TBCK: variants seen among roughly 807,000 people sequenced by gnomAD.
TBCK encodes the protein TBC domain-containing protein kinase-like protein.
In TBCK, 99 loss-of-function variants were observed where a neutral mutation model predicts 113.4. The ratio of observed to expected loss-of-function variants is 0.87; its 90% CI spans 0.74 to 1.03. The LOEUF (loss-of-function observed/expected upper bound fraction) is 1.03. Ranked by LOEUF, TBCK falls within the 50% of genes least tolerant of loss-of-function variation. The probability of loss-of-function intolerance (pLI) is 0.00; values close to 1 mark genes in which losing one functional copy is unlikely to be tolerated. For synonymous variants in TBCK, 369 were observed against 370.8 expected (o/e 1.00, Z 0.05); for missense variants, 1,045 against 1,061.3 (o/e 0.98, Z 0.21).
chr4:106,200,560 C>T (rs1754766937), intron 20 of TBCK, among the ~76,000 whole-genome samples: 1 of 151,962 alleles, frequency 6.6e-6, no homozygotes, highest in Admixed American at 6.6e-5. Flanking sequence ...AATGAAAATT[C>T]AATCTCTTCT....
intron 25 of TBCK, among the ~76,000 whole-genome samples, chr4:106,048,728 T>A (rs1447781927): frequency 6.6e-6 from 1 of 152,116 alleles, no homozygotes; most frequent in Non-Finnish European, 1.5e-5. Flanking sequence ...TTCAAAACAT[T>A]GTGGAAATCA....
intron 3 of TBCK, 56 bp from the exon 4 acceptor site, chr4:106,262,268 T>A: frequency 1.0e-6 from 1 of 998,248 alleles, no homozygotes; most frequent in Non-Finnish European, 1.5e-6. Context: ...ATAACTTGTT[T>A]TAACAAGTGA....
intron 22 of TBCK, among the ~76,000 whole-genome samples, chr4:106,189,072 C>A (rs1203399617): frequency 6.6e-6 from 1 of 152,094 alleles, no homozygotes; most frequent in African/African-American, 2.4e-5. Flanking sequence ...TGACTATACA[C>A]CATGCCAATA....
chr4:106,248,233 A>C lies in TBCK; in HGVS notation c.782+12T>G, dbSNP rs774433183. On this transcript the variant is annotated intron_variant, in intron 9 of 25. Transcript: ENST00000394708. ...GATCTCAATGTAATCCCAATCTCTA[A>C]ATAATATCAACCTCTTAGAAGGATG... 22 of 1,567,894 alleles carry C rather than the reference A, an allele frequency of 1.4e-5. No homozygotes were observed. Among genetic ancestry groups the C allele is most frequent in the Admixed American group, 1.9e-5 (1 of 52,054 alleles).
At chr4:106,244,988 T>A (rs1760636657) in intron 10 of TBCK, among the ~76,000 whole-genome samples, 1 of 151,826 alleles carries the variant, frequency 6.6e-6, no homozygotes, top group South Asian at 2.1e-4. Context: ...GTAAGAGAGG[T>A]GAGGACATAG....
chr4:106,246,420 A>C (rs1383313429), intron 10 of TBCK, among the ~76,000 whole-genome samples: 1 of 152,180 alleles, frequency 6.6e-6, no homozygotes. Flanking sequence ...TTCACACAAG[A>C]ATTAAAAGTC....
At chr4:106,046,858 C>T (rs530059359) in intron 25 of TBCK, among the ~76,000 whole-genome samples, 178 bp from the exon 26 acceptor site, 11 of 152,208 alleles carry the variant, frequency 7.2e-5, no homozygotes, top group South Asian at 2.1e-4. Context: ...TATATGCTGA[C>T]GCTGACAATT....
At position 106,140,321 on chromosome 4, in the gene TBCK, A is replaced by T. The variant is rs1001168255; in HGVS notation, c.2236-23943T>A. Among the ~76,000 whole-genome samples, 3 of 141,362 alleles carry T rather than the reference A, an allele frequency of 2.1e-5. 1 individual carries two copies. In the East Asian group the frequency reaches 6.1e-4, roughly 29 times the overall value. The allele number at this position is 141,362 out of a possible 152,430, so 92.7% of individuals were successfully genotyped here. On this transcript the variant is annotated intron_variant, in intron 23 of 25. Coordinates refer to ENST00000394708, the MANE Select transcript of TBCK (RefSeq NM_001163435.3). ...TAAGTTCTTTTGCATTTCTGGCCAC[A>T]TTGCCAGAGATATTTGAATGTGTTT...
At chr4:106,306,176 C>T (rs111585379) in intron 2 of TBCK, among the ~76,000 whole-genome samples, 4,070 of 151,846 alleles carry the variant, frequency 0.027, 176 homozygotes, top group African/African-American at 0.093. Context: ...CACAAATGAT[C>T]CTCCTGCCTC....
At chr4:106,291,857 A>T (rs1250239774) in intron 3 of TBCK, among the ~76,000 whole-genome samples, 1 of 152,228 alleles carries the variant, frequency 6.6e-6, no homozygotes, top group Non-Finnish European at 1.5e-5. Context: ...GAGGATATTG[A>T]GGCACAATTG....
chr4:106,124,789 G>T (rs1275803880), intron 23 of TBCK, among the ~76,000 whole-genome samples: 1 of 151,766 alleles, frequency 6.6e-6, no homozygotes, highest in African/African-American at 2.4e-5. Flanking sequence ...CTCATAGGTG[G>T]GAACTGAACA....
At chr4:106,240,570 T>C (rs1427525260) in intron 12 of TBCK, among the ~76,000 whole-genome samples, 2 of 152,026 alleles carry the variant, frequency 1.3e-5, no homozygotes, top group African/African-American at 4.8e-5. Flanking sequence ...ATATTATTGA[T>C]TTATTTTTTA....
At chr4:106,157,156 A>G (rs1171688107) in intron 23 of TBCK, among the ~76,000 whole-genome samples, 1 of 151,970 alleles carries the variant, frequency 6.6e-6, no homozygotes, top group Non-Finnish European at 1.5e-5. Context: ...AGGTCCTGGA[A>G]AGGGGGATTC....
intron 25 of TBCK, among the ~76,000 whole-genome samples, chr4:106,086,351 G>T (rs1243827018): frequency 6.6e-6 from 1 of 151,974 alleles, no homozygotes; most frequent in Non-Finnish European, 1.5e-5. Context: ...ATACATTCTG[G>T]GATGCATACA....
chr4:106,298,268 T>C (rs1392328919), intron 2 of TBCK, among the ~76,000 whole-genome samples: 2 of 152,106 alleles, frequency 1.3e-5, no homozygotes, highest in Non-Finnish European at 2.9e-5. Flanking sequence ...TTAAATTGCA[T>C]GCCATTCTGA....
chr4:106,046,619 T>C lies in TBCK; in HGVS notation c.2633A>G (p.Asn878Ser), dbSNP rs1734243867. ...PRICILDGGINKIKPTGLLTI... is the reference protein window; with the variant it reads ...PRICILDGGISKIKPTGLLTI... ...GAGGAGGCCTGTTGGCTTTATTTTA[T>C]TAATGCCACCATCTAGAATACAGAT... Residue 878 changes from asparagine to serine, a missense_variant, in exon 26 of 26, where the codon AAT becomes AGT. Physicochemically the swap from Asn to Ser is conservative, Grantham distance 46. Transcript: ENST00000394708. The C allele has an allele frequency of 1.9e-6, 3 of 1,612,642 alleles. No individual in the cohort carries two copies. In the African/African-American group the frequency reaches 4.0e-5, roughly 22 times the overall value.
intron 19 of TBCK, among the ~76,000 whole-genome samples, chr4:106,215,290 C>G (rs571768526): frequency 3.3e-5 from 5 of 151,834 alleles, no homozygotes; most frequent in South Asian, 2.1e-4. Flanking sequence ...ATCGAGACTA[C>G]GAAGAAACTG....
In TBCK at chr4:106,056,953, AATAC is replaced by A. The variant is rs1487254726; in HGVS notation, c.2572-10277_2572-10274del. Among the ~76,000 whole-genome samples, 4 of 151,948 alleles carry A rather than the reference AATAC, an allele frequency of 2.6e-5. No homozygotes were observed. In the South Asian group the frequency reaches 8.3e-4, roughly 31 times the overall value. ...CACACACTTGCTTACTCCTAATACA[AATAC>A]ATACATTAACTTATATTTACATGAA... On this transcript the variant is annotated intron_variant, in intron 25 of 25. Coordinates refer to ENST00000394708, the MANE Select transcript of TBCK (RefSeq NM_001163435.3).
chr4:106,229,305 T>G (rs534716802), intron 19 of TBCK, among the ~76,000 whole-genome samples: 31 of 152,096 alleles, frequency 2.0e-4, no homozygotes, highest in African/African-American at 7.0e-4. Flanking sequence ...GGGGTATTAC[T>G]CGACATCTTT....
Sources: gnomAD v4.1 joint callset for allele counts (sites outside exome capture counted in the v4.1 genomes callset) on GRCh38, gnomAD v4.1.1 for gene constraint, MANE v1.5 for transcripts, NCBI Gene and HGNC (gene_info 2026-07-23, HGNC 2026-07-21) for gene names.